The following FSTL5 variants were observed in gnomAD, a reference collection of about 807,000 sequenced individuals.
The protein encoded by FSTL5 is follistatin-related protein 5.
Under a neutral mutation model 89.1 loss-of-function variants are expected in FSTL5, and 62 were observed. The ratio of observed to expected loss-of-function variants is 0.70; its 90% CI spans 0.57 to 0.86. The LOEUF is 0.86. Ranked by LOEUF, FSTL5 falls within the 40% of genes least tolerant of loss-of-function variation. The pLI is 0.00. For synonymous variants in FSTL5, 383 were observed against 346.2 expected (o/e 1.11, Z -1.18); for missense variants, 1,057 against 1,001.6 (o/e 1.06, Z -0.75).
chr4:161,384,306 C>A lies in FSTL5; in HGVS notation c.*1441G>T, dbSNP rs892130908. On this transcript the variant is annotated 3_prime_UTR_variant, in exon 16 of 16. Transcript: ENST00000306100. ...TACCTTAAGTAAATGGAGGTCATTT[C>A]AACAGCCCATTAACATTTTTTTGCA... The A allele has an allele frequency of 6.6e-6, 1 of 152,018 alleles. No individual in the cohort carries two copies. Among genetic ancestry groups the A allele is most frequent in the Admixed American group, 6.6e-5 (1 of 15,256 alleles). The allele number at this position is 152,018 out of a possible 1,614,324, so 9.4% of individuals were successfully genotyped here.
intron 6 of FSTL5, among the ~76,000 whole-genome samples, chr4:161,736,398 C>G (rs568977169): frequency 6.6e-6 from 1 of 151,956 alleles, no homozygotes; most frequent in Non-Finnish European, 1.5e-5. Flanking sequence ...CCCAAAACAG[C>G]GATTTAATGA....
At chr4:161,940,524 C>G (rs1377958219) in intron 3 of FSTL5, among the ~76,000 whole-genome samples, 1 of 151,096 alleles carries the variant, frequency 6.6e-6, no homozygotes, top group Non-Finnish European at 1.5e-5. Flanking sequence ...AGAGAAACAA[C>G]TTGCCCTATT....
At chr4:162,103,194 T>C (rs1371979037) in intron 2 of FSTL5, among the ~76,000 whole-genome samples, 1 of 152,180 alleles carries the variant, frequency 6.6e-6, no homozygotes, top group Non-Finnish European at 1.5e-5. Context: ...AGCAATTCAG[T>C]CCAGTGAATG....
chr4:161,395,156 C>T (rs1730954580), intron 15 of FSTL5, among the ~76,000 whole-genome samples: 1 of 151,700 alleles, frequency 6.6e-6, no homozygotes, highest in Non-Finnish European at 1.5e-5. Flanking sequence ...CAATAGTAAC[C>T]AATAGAACAA....
chr4:161,397,612 GTAT>G (rs1731050528), intron 15 of FSTL5, among the ~76,000 whole-genome samples: 2 of 150,200 alleles, frequency 1.3e-5, no homozygotes, highest in Middle Eastern at 6.8e-3. Flanking sequence ...GGTATTAATA[GTAT>G]TATAATGCTA....
rs1737499483 is a variant in FSTL5 at position 161,680,977 on chromosome 4, C to G, written c.728-24483G>C. Among the ~76,000 whole-genome samples the G allele has an allele frequency of 2.0e-5, 3 of 152,066 alleles. No homozygotes were observed. The South Asian group carries it at 6.2e-4, about 31-fold the overall frequency. On this transcript the variant is annotated intron_variant, in intron 6 of 15. Transcript: ENST00000306100. ...TCATTCAGTTCAGTGAAGTGTAACA[C>G]TGCAAATGGTAATGATGTGAAGATG...
chr4:161,690,063 G>A (rs1299904290), intron 6 of FSTL5, among the ~76,000 whole-genome samples: 1 of 152,060 alleles, frequency 6.6e-6, no homozygotes, highest in East Asian at 1.9e-4. Flanking sequence ...GGAAATTTGG[G>A]TTATATCCAG....
chr4:161,714,441 C>T (rs11947908), intron 6 of FSTL5, among the ~76,000 whole-genome samples: 3,015 of 152,116 alleles, frequency 0.02, 101 homozygotes, highest in African/African-American at 0.067. Context: ...ATAATATACA[C>T]AGTGAGAGCT....
intron 4 of FSTL5, among the ~76,000 whole-genome samples, chr4:161,895,082 G>A (rs1330470970): frequency 6.6e-6 from 1 of 152,120 alleles, no homozygotes; most frequent in East Asian, 1.9e-4. Flanking sequence ...TTATCCATTT[G>A]CTAGATAAGA....
chr4:162,143,025 T>C (rs1579060771), intron 1 of FSTL5, among the ~76,000 whole-genome samples: 2 of 152,296 alleles, frequency 1.3e-5, no homozygotes, highest in East Asian at 3.9e-4. Context: ...TTGGGATATT[T>C]CTGATTGTCA....
At chr4:161,628,451 G>A (rs1735387998) in intron 7 of FSTL5, among the ~76,000 whole-genome samples, 1 of 151,952 alleles carries the variant, frequency 6.6e-6, no homozygotes, top group Non-Finnish European at 1.5e-5. Context: ...CGGCTTAAAG[G>A]AAACACACAA....
At chr4:162,159,205 A>T (rs1373806984) in intron 1 of FSTL5, among the ~76,000 whole-genome samples, 1 of 152,082 alleles carries the variant, frequency 6.6e-6, no homozygotes, top group African/African-American at 2.4e-5. Context: ...TTTCCATTTC[A>T]TCATCATCTT....
chr4:161,508,443 A>G (rs1200110348), intron 11 of FSTL5, among the ~76,000 whole-genome samples: 1 of 152,174 alleles, frequency 6.6e-6, no homozygotes, highest in Non-Finnish European at 1.5e-5. Flanking sequence ...TGTAAAATGT[A>G]TCATATATCT....
chr4:161,988,622 A>C (rs1408164586), intron 3 of FSTL5, among the ~76,000 whole-genome samples: 2 of 152,132 alleles, frequency 1.3e-5, no homozygotes, highest in Non-Finnish European at 2.9e-5. Flanking sequence ...ATAAATCAGA[A>C]ATATGATAAA....
intron 15 of FSTL5, among the ~76,000 whole-genome samples, chr4:161,409,175 G>C (rs932467615): frequency 6.6e-6 from 1 of 152,054 alleles, no homozygotes; most frequent in Non-Finnish European, 1.5e-5. Context: ...AAGGCTAGGA[G>C]ACCTACAGAG....
At chr4:161,940,771 T>C (rs1404391944) in intron 3 of FSTL5, among the ~76,000 whole-genome samples, 1 of 151,796 alleles carries the variant, frequency 6.6e-6, no homozygotes, top group Admixed American at 6.6e-5. Flanking sequence ...AGGGAAATTT[T>C]GTGACAGAAA....
intron 3 of FSTL5, among the ~76,000 whole-genome samples, chr4:161,980,092 G>C (rs376044422): frequency 9.6e-6 from 1 of 103,992 alleles, no homozygotes; most frequent in Non-Finnish European, 2.0e-5. Flanking sequence ...AAAGAAAAAA[G>C]AAAAAGAAAG....
At position 161,538,213 on chromosome 4, in the gene FSTL5, T is replaced by C. The variant is rs1182417607; in HGVS notation, c.1265A>G (p.Asp422Gly). 1 of 1,614,084 alleles carries C rather than the reference T, an allele frequency of 6.2e-7. No individual in the cohort carries two copies. Among genetic ancestry groups the C allele is most frequent in the Non-Finnish European group, 8.5e-7 (1 of 1,179,966 alleles). ...CACAAAAAGAGAAGAGATGTCTTCA[T>C]CCACTCCTGCTTCATTCTTTGCGAT... is the stretch of plus-strand genomic sequence containing the variant. ...TCIAKNEAGV[D>G]EDISSLFVED... The change falls in exon 10 of 16, where the codon GAT (aspartate) becomes GGT (glycine). Residue 422 changes from aspartate to glycine, a missense_variant. By Grantham distance (94) the Asp-to-Gly change is moderately conservative. This residue lies in a region of FSTL5 where 980 missense variants were observed against 903.2 expected (regional missense o/e 1.08). Coordinates refer to ENST00000306100, the MANE Select transcript of FSTL5 (RefSeq NM_020116.5).
chr4:161,393,383 A>G (rs1185752009), intron 15 of FSTL5, among the ~76,000 whole-genome samples: 1 of 151,774 alleles, frequency 6.6e-6, no homozygotes, highest in Non-Finnish European at 1.5e-5. Context: ...TATGAAGGAA[A>G]TGGAGAGAAA....
Sources: allele counts gnomAD v4.1 joint callset (sites outside exome capture counted in the v4.1 genomes callset), GRCh38; gene constraint gnomAD v4.1.1; regional missense constraint gnomAD v4.1.1; transcripts MANE v1.5; gene names NCBI Gene and HGNC (gene_info 2026-07-23, HGNC 2026-07-21).